MINDY4: variants seen among roughly 807,000 people sequenced by gnomAD.
The protein encoded by MINDY4 is MINDY lysine 48 deubiquitinase 4.
A neutral mutation model predicts 87.0 loss-of-function variants in MINDY4; 68 were observed. That is an observed-to-expected ratio of 0.78 (90% CI 0.64 to 0.96). The LOEUF (loss-of-function observed/expected upper bound fraction) is 0.96. Among genes scored for constraint, MINDY4 ranks in the 40% least tolerant of loss-of-function variants. MINDY4 has a pLI of 0.00. For synonymous variants in MINDY4, 379 were observed against 363.2 expected (o/e 1.04, Z -0.50); for missense variants, 919 against 928.2 (o/e 0.99, Z 0.13).
intron 14 of MINDY4, among the ~76,000 whole-genome samples, chr7:30,872,957 C>A (rs1217003077): frequency 6.6e-6 from 1 of 152,228 alleles, no homozygotes; most frequent in East Asian, 1.9e-4. Context: ...CCACACAGGC[C>A]ACAGTGAAAT....
chr7:30,889,638 A>G (rs1040080123), intron 17 of MINDY4, among the ~76,000 whole-genome samples: 5 of 152,294 alleles, frequency 3.3e-5, no homozygotes, highest in Admixed American at 2.0e-4. Context: ...CCAAAACCCA[A>G]TAGACTCCTC....
At chr7:30,886,915 A>G (rs1790648275) in intron 17 of MINDY4, among the ~76,000 whole-genome samples, 1 of 152,138 alleles carries the variant, frequency 6.6e-6, no homozygotes, top group African/African-American at 2.4e-5. Context: ...TCCAAACGAG[A>G]CACACACAGT....
chr7:30,872,810 T>C (rs57325470), intron 14 of MINDY4, among the ~76,000 whole-genome samples: 3,864 of 152,340 alleles, frequency 0.025, 63 homozygotes, highest in Middle Eastern at 0.054. Flanking sequence ...TTGTCATCAG[T>C]CCTCTCAGTC....
chr7:30,879,061 G>T (rs146868745), intron 15 of MINDY4, among the ~76,000 whole-genome samples: 3 of 152,224 alleles, frequency 2.0e-5, no homozygotes, highest in South Asian at 2.1e-4. Flanking sequence ...CTTTTCTCTG[G>T]ACCCTCAGTG....
At chr7:30,864,785 A>G (rs1789878644) in intron 13 of MINDY4, among the ~76,000 whole-genome samples, 1 of 152,216 alleles carries the variant, frequency 6.6e-6, no homozygotes, top group African/African-American at 2.4e-5. Flanking sequence ...AGAACAGGAG[A>G]GCAGATGTGG....
At chr7:30,838,293 AGAC>A (rs1788924573) in intron 7 of MINDY4, among the ~76,000 whole-genome samples, 1 of 152,258 alleles carries the variant, frequency 6.6e-6, no homozygotes, top group African/African-American at 2.4e-5. Flanking sequence ...AGTCTGGAGA[AGAC>A]AGCCGTGAGA....
intron 11 of MINDY4, 83 bp from the exon 12 acceptor site, chr7:30,853,311 A>G (rs927052200): frequency 9.3e-6 from 11 of 1,186,658 alleles, no homozygotes; most frequent in African/African-American, 1.5e-5. Context: ...TGTAGCTACT[A>G]AAGCCAGGGA....
intron 6 of MINDY4, 21 bp from the exon 7 acceptor site, chr7:30,836,637 A>C: frequency 1.0e-5 from 16 of 1,575,256 alleles, no homozygotes; most frequent in African/African-American, 1.3e-5. Flanking sequence ...AAGGGCTCAC[A>C]TGGCCATGGT....
Position 30,862,789 on chromosome 7 carries a change from C to T in MINDY4, c.1745+3465C>T, listed in dbSNP as rs80202631. Among the ~76,000 whole-genome samples, 900 of 152,308 alleles carry T rather than the reference C, an allele frequency of 5.9e-3. 8 individuals carry two copies. The highest frequency in any genetic ancestry group is 0.021 in the African/African-American group (872 of 41,556). The stretch of plus-strand genomic sequence containing the variant: ...TCAGCGCAGCTCAGTCACCCACAGC[C>T]GTGTGGCTAACCCAGCCTGTGCCTT... On this transcript the variant is annotated intron_variant, in intron 13 of 17. Coordinates refer to ENST00000265299, the MANE Select transcript of MINDY4 (RefSeq NM_032222.3).
intron 5 of MINDY4, among the ~76,000 whole-genome samples, chr7:30,824,518 A>G (rs981541936): frequency 2.6e-5 from 4 of 152,234 alleles, no homozygotes; most frequent in Admixed American, 2.6e-4. Flanking sequence ...TTTAGAGCCC[A>G]TAACTAATTT....
intron 5 of MINDY4, among the ~76,000 whole-genome samples, chr7:30,792,334 A>G (rs919260479): frequency 6.6e-6 from 1 of 151,398 alleles, no homozygotes; most frequent in African/African-American, 2.4e-5. Context: ...TATGAAGAAG[A>G]TTGGCTGGCA....
chr7:30,836,949 G>A (rs1019328247), intron 7 of MINDY4, among the ~76,000 whole-genome samples, 185 bp downstream of exon 7: 1 of 152,162 alleles, frequency 6.6e-6, no homozygotes, highest in Non-Finnish European at 1.5e-5. Context: ...TCTAGTCCTT[G>A]CAGCTCTCGT....
chr7:30,849,869 C>T (rs914548836), intron 9 of MINDY4, among the ~76,000 whole-genome samples: 2 of 152,336 alleles, frequency 1.3e-5, no homozygotes, highest in Non-Finnish European at 2.9e-5. Flanking sequence ...CCTTATTTTG[C>T]TTGATGGCAC....
chr7:30,852,250 A>G lies in MINDY4; in HGVS notation c.1582A>G (p.Lys528Glu). The G allele has an allele frequency of 6.2e-7, 1 of 1,614,218 alleles. No homozygotes were observed. Among genetic ancestry groups the G allele is most frequent in the South Asian group, 1.1e-5 (1 of 91,078 alleles). ...SRTQQFSPTG[K>E]YKADGVLETL... ...AACACAGCAGTTCAGTCCAACAGGG[A>G]AATACAAAGCAGATGGAGTCTTAGA... is the stretch of plus-strand genomic sequence containing the variant. The change falls in exon 11 of 18, where the codon AAA (lysine) becomes GAA (glutamate). Residue 528 changes from lysine to glutamate, a missense_variant. By Grantham distance (56) the Lys-to-Glu change is moderately conservative. Transcript: ENST00000265299.
intron 9 of MINDY4, among the ~76,000 whole-genome samples, chr7:30,846,493 A>G (rs1393494961): frequency 6.6e-6 from 1 of 152,232 alleles, no homozygotes; most frequent in African/African-American, 2.4e-5. Context: ...GAGCCTGGCC[A>G]GGTGCCAGCC....
At chr7:30,800,263 T>A (rs550017147) in intron 5 of MINDY4, among the ~76,000 whole-genome samples, 10 of 152,288 alleles carry the variant, frequency 6.6e-5, no homozygotes, top group African/African-American at 2.2e-4. Flanking sequence ...CTTAGATGCA[T>A]TGGATGCCCT....
At chr7:30,797,974 G>T (rs1240650666) in intron 5 of MINDY4, among the ~76,000 whole-genome samples, 1 of 152,146 alleles carries the variant, frequency 6.6e-6, no homozygotes, top group Non-Finnish European at 1.5e-5. Context: ...ACATCTGTGG[G>T]CCCCTGGAGG....
Position 30,771,776 on chromosome 7 carries a change from G to A in MINDY4, c.63+220G>A, listed in dbSNP as rs949490870. Among the ~76,000 whole-genome samples the A allele has an allele frequency of 2.6e-5, 4 of 152,242 alleles. No homozygotes were observed. In the South Asian group the frequency reaches 6.2e-4, roughly 24 times the overall value. ...GTCACCGGGCGCTTCCGCAAGGCAC[G>A]GTTTGGACCCCGTCCGCTGCCCTCC... On this transcript the variant is annotated intron_variant, in intron 1 of 17. Transcript: ENST00000265299.
intron 10 of MINDY4, among the ~76,000 whole-genome samples, chr7:30,851,833 G>A (rs1789423506): frequency 6.6e-6 from 1 of 152,238 alleles, no homozygotes; most frequent in Non-Finnish European, 1.5e-5. Context: ...GCCTCGGAGA[G>A]GATGGAGGTG....
Sources: allele counts gnomAD v4.1 joint callset (sites outside exome capture counted in the v4.1 genomes callset), GRCh38; gene constraint gnomAD v4.1.1; transcripts MANE v1.5; gene names NCBI Gene and HGNC (gene_info 2026-07-23, HGNC 2026-07-21).